NAT1: variants seen among roughly 807,000 people sequenced by gnomAD.
NAT1 encodes N-acetyltransferase 1, also known as arylamine N-acetyltransferase 1.
For synonymous variants in NAT1, 144 were observed against 122.6 expected, an observed-to-expected ratio of 1.17 and a Z score of -1.16; for missense variants, 400 against 339.2, an observed-to-expected ratio of 1.18 and a Z score of -1.41.
chr8:18,188,661 A>C (rs183082090), intron 2 of NAT1, among the ~76,000 whole-genome samples: 101 of 152,084 alleles, frequency 6.6e-4, no homozygotes, highest in African/African-American at 2.3e-3. Flanking sequence ...TTTTAAATGA[A>C]ATTTAATTTT....
At chr8:18,221,840 A>G (rs527341111) in intron 2 of NAT1, 1 of 493,082 alleles carries the variant, frequency 2.0e-6, no homozygotes, top group African/African-American at 2.0e-5. Flanking sequence ...GAAAGAAGAC[A>G]TAATACATTT....
At chr8:18,175,843 T>A (rs1195500109) in intron 2 of NAT1, among the ~76,000 whole-genome samples, 1 of 152,188 alleles carries the variant, frequency 6.6e-6, no homozygotes. Context: ...ATACAAGGGT[T>A]TCCTATTCTC....
chr8:18,193,794 C>T (rs565847520), intron 2 of NAT1, among the ~76,000 whole-genome samples: 1 of 151,548 alleles, frequency 6.6e-6, no homozygotes, highest in Non-Finnish European at 1.5e-5. Context: ...GTGCCTGCCA[C>T]CACACCCAGC....
chr8:18,182,711 T>C (rs990619771), intron 2 of NAT1, among the ~76,000 whole-genome samples: 2 of 152,092 alleles, frequency 1.3e-5, no homozygotes, highest in African/African-American at 2.4e-5. Context: ...TAAGACTGTC[T>C]CACTATTTTT....
At chr8:18,204,333 G>T (rs776962710) in intron 2 of NAT1, among the ~76,000 whole-genome samples, 1 of 152,132 alleles carries the variant, frequency 6.6e-6, no homozygotes, top group African/African-American at 2.4e-5. Context: ...CTTCACTTGG[G>T]TGTACATGGG....
At chr8:18,206,035 C>T (rs28741072), upstream of NAT1, among the ~76,000 whole-genome samples, 6,993 of 152,298 alleles carry the variant, frequency 0.046, 218 homozygotes, top group Non-Finnish European at 0.067. Context: ...ACAGATGCTC[C>T]AGGACCAAAC....
chr8:18,172,830 G>A (rs779298782), intron 2 of NAT1, among the ~76,000 whole-genome samples: 4 of 151,924 alleles, frequency 2.6e-5, no homozygotes, highest in Non-Finnish European at 5.9e-5. Flanking sequence ...ATTTCTAGAC[G>A]GAGCAAATTA....
chr8:18,209,027 G>A (rs1347628270), upstream of NAT1, among the ~76,000 whole-genome samples: 1 of 152,212 alleles, frequency 6.6e-6, no homozygotes, highest in Non-Finnish European at 1.5e-5. Flanking sequence ...TGCATCATTG[G>A]CAAGCTACCT....
In NAT1 at chr8:18,219,432, G is replaced by C; in HGVS notation, c.-64G>C. 6.5e-7 allele frequency: 1 copy of C among 1,549,946 alleles called. No homozygotes were observed. The highest frequency in any genetic ancestry group is 1.4e-5 in the African/African-American group (1 of 73,060). On this transcript the variant is annotated 5_prime_UTR_variant, in exon 2 of 3. Coordinates refer to ENST00000307719, the MANE Select transcript of NAT1 (RefSeq NM_000662.8). ...CTAGAATTCAAGCCAGGAAGAAGCA[G>C]CAATCTGTCTTCTGGATTAAAACTG...
chr8:18,187,963 AC>A (rs1802813117), intron 2 of NAT1, among the ~76,000 whole-genome samples: 1 of 151,660 alleles, frequency 6.6e-6, no homozygotes, highest in Non-Finnish European at 1.5e-5. Context: ...ACACACACAC[AC>A]ACACACACAC....
Position 18,195,921 on chromosome 8 carries a change from T to TAA in NAT1, n.93-13850_93-13849dup, listed in dbSNP as rs35647512. Among the ~76,000 whole-genome samples, 4 of 145,112 alleles carry TAA rather than the reference T, an allele frequency of 2.8e-5. No individual in the cohort carries two copies. The East Asian group carries it at 6.0e-4, about 22-fold the overall frequency. ...CACTCAGAAGTTCTTGATGTTAGAT[T>TAA]AAAAAAAAAAAGACCCTGATGGCTT... On this transcript the variant is annotated intron_variant and non_coding_transcript_variant, in intron 2 of 4. Transcript: ENST00000517441.
intron 2 of NAT1, among the ~76,000 whole-genome samples, chr8:18,172,174 G>A (rs769963572): frequency 4.6e-5 from 7 of 152,094 alleles, no homozygotes; most frequent in Non-Finnish European, 1.0e-4. Flanking sequence ...TTAGCTAATC[G>A]GGAGTTAATG....
At chr8:18,220,842 A>T (rs1358278653) in intron 2 of NAT1, among the ~76,000 whole-genome samples, 1 of 151,726 alleles carries the variant, frequency 6.6e-6, no homozygotes, top group African/African-American at 2.4e-5. Context: ...TCTCAGATCT[A>T]CTTAGATCAT....
At chr8:18,201,962 CTCAA>C (rs1009166964) in intron 2 of NAT1, among the ~76,000 whole-genome samples, 11 of 152,310 alleles carry the variant, frequency 7.2e-5, no homozygotes, top group African/African-American at 1.4e-4. Context: ...ACATATCAAG[CTCAA>C]TCAGTTTCCA....
At chr8:18,206,390 G>C (rs776887859), upstream of NAT1, among the ~76,000 whole-genome samples, 1 of 152,070 alleles carries the variant, frequency 6.6e-6, no homozygotes, top group Non-Finnish European at 1.5e-5. Flanking sequence ...GCTGTTTTAC[G>C]TGGCTGCATC....
chr8:18,179,100 T>C lies in NAT1; in HGVS notation n.92+8361T>C, dbSNP rs536272553. 1.2e-4 allele frequency among the ~76,000 whole-genome samples: 18 copies of C among 152,278 alleles called. No homozygotes were observed. In the South Asian group the frequency reaches 3.5e-3, roughly 30 times the overall value. ...TCTTGTCCTCTTCCTCACTCTGTCCTGGCCAATTTGTTCTTACATCTCTCC... is the reference window on the plus strand; with the variant it reads ...TCTTGTCCTCTTCCTCACTCTGTCCCGGCCAATTTGTTCTTACATCTCTCC... On this transcript the variant is annotated intron_variant and non_coding_transcript_variant, in intron 2 of 4. Transcript: ENST00000517441.
intron 1 of NAT1, among the ~76,000 whole-genome samples, chr8:18,215,781 T>C (rs1333473315): frequency 6.6e-6 from 1 of 152,232 alleles, no homozygotes; most frequent in Non-Finnish European, 1.5e-5. Context: ...CCACCTTTTA[T>C]TTGCTGCTTG....
intron 2 of NAT1, among the ~76,000 whole-genome samples, chr8:18,185,072 C>A (rs959276558): frequency 7.1e-5 from 5 of 70,914 alleles, no homozygotes; most frequent in Non-Finnish European, 1.2e-4. Context: ...GTGCTTGTTT[C>A]GGTTTCAGGA....
upstream of NAT1, among the ~76,000 whole-genome samples, chr8:18,205,502 G>A (rs185498372): frequency 5.2e-3 from 789 of 152,272 alleles, 10 homozygotes; most frequent in African/African-American, 0.018. Flanking sequence ...GGCACTGGCG[G>A]GGGCAGGGCT....
Sources: gnomAD v4.1 joint callset for allele counts (sites outside exome capture counted in the v4.1 genomes callset) on GRCh38, gnomAD v4.1.1 for gene constraint, MANE v1.5 for transcripts, NCBI Gene and HGNC (gene_info 2026-07-23, HGNC 2026-07-21) for gene names.